Variants in MAMLD1 observed in about 807,000 individuals in gnomAD.
MAMLD1 encodes mastermind-like domain-containing protein 1.
In MAMLD1, 14 loss-of-function variants were observed where a neutral mutation model predicts 45.0. The ratio of observed to expected loss-of-function variants is 0.31; its 90% CI spans 0.21 to 0.49. The LOEUF (loss-of-function observed/expected upper bound fraction) is 0.49, where lower values mean the gene tolerates loss of function less well. Among genes scored for constraint, MAMLD1 ranks in the 20% least tolerant of loss-of-function variants. The pLI, the probability that MAMLD1 is intolerant of heterozygous loss-of-function variation, is 0.99. For missense variants in MAMLD1, 543 were observed against 603.6 expected, an observed-to-expected ratio of 0.90 and a Z score of 1.05; for synonymous variants, 254 against 247.8, an observed-to-expected ratio of 1.02 and a Z score of -0.24.
chrX:150,454,497 A>G (rs985240992), intron 2 of MAMLD1, among the ~76,000 whole-genome samples: 25 of 112,099 alleles, frequency 2.2e-4, no homozygotes, highest in African/African-American at 7.8e-4. Flanking sequence ...ACAAACAAAA[A>G]TCTCCTGTGT....
rs1166442127 is a variant in MAMLD1, at chrX:150,462,707, GT to G, written c.97-64del. The G allele has an allele frequency of 5.1e-5, 38 of 745,306 alleles. 1 individual carries two copies. In the East Asian group the frequency reaches 1.2e-3, roughly 24 times the overall value. 61.4% of individuals were successfully genotyped at this position (745,306 alleles called of 1,213,427 possible). On this transcript the variant is annotated intron_variant, in intron 2 of 7. Coordinates refer to ENST00000370401, the MANE Select transcript of MAMLD1 (RefSeq NM_005491.5). ...CTGATCTGTGCCTCTCACTGAGCTGGTGCAGGTAATACTTTCTTTAAGAGTG... is the reference window on the plus strand; with the variant it reads ...CTGATCTGTGCCTCTCACTGAGCTGGGCAGGTAATACTTTCTTTAAGAGTG...
At chrX:150,506,990 G>T (rs1294626575) in intron 6 of MAMLD1, among the ~76,000 whole-genome samples, 1 of 112,478 alleles carries the variant, frequency 8.9e-6, no homozygotes, top group African/African-American at 3.2e-5. Flanking sequence ...GACAGTGGGG[G>T]CTGGGAGGGG....
intron 5 of MAMLD1, among the ~76,000 whole-genome samples, chrX:150,499,155 A>G (rs2037479396): frequency 8.9e-6 from 1 of 112,131 alleles, no homozygotes; most frequent in Non-Finnish European, 1.9e-5. Context: ...CATCTTTGAC[A>G]CACTCATCAA....
intron 1 of MAMLD1, among the ~76,000 whole-genome samples, chrX:150,390,859 A>G (rs782261721): frequency 8.9e-6 from 1 of 112,378 alleles, no homozygotes; most frequent in Non-Finnish European, 1.9e-5. Context: ...ATTCTTAGCA[A>G]CAACATCTTT....
chrX:150,488,313 C>G (rs2037060702), intron 5 of MAMLD1, among the ~76,000 whole-genome samples: 1 of 112,582 alleles, frequency 8.9e-6, no homozygotes, highest in Non-Finnish European at 1.9e-5. Context: ...GCCTGGAGAG[C>G]TAATCTGGGT....
At chrX:150,511,124 C>G (rs1261143007) in intron 7 of MAMLD1, among the ~76,000 whole-genome samples, 26 of 112,286 alleles carry the variant, frequency 2.3e-4, no homozygotes, top group African/African-American at 8.4e-4. Context: ...TGGGCTTGTG[C>G]TCTGACTGCA....
intron 1 of MAMLD1, among the ~76,000 whole-genome samples, chrX:150,424,701 A>G (rs899693045): frequency 8.9e-6 from 1 of 112,784 alleles, no homozygotes; most frequent in African/African-American, 3.2e-5. Flanking sequence ...GCAAAGAGTG[A>G]TAACAATTTG....
chrX:150,403,693 A>G (rs2033877773), intron 1 of MAMLD1, among the ~76,000 whole-genome samples: 2 of 108,559 alleles, frequency 1.8e-5, no homozygotes, highest in South Asian at 7.9e-4. Flanking sequence ...TAGTCTCAGC[A>G]CTTTGGGAGG....
chrX:150,456,209 C>T (rs1267717242), intron 2 of MAMLD1, among the ~76,000 whole-genome samples: 3 of 110,745 alleles, frequency 2.7e-5, no homozygotes, highest in African/African-American at 9.9e-5. Context: ...ACATCTACCA[C>T]TATACATGCC....
chrX:150,414,847 A>T (rs1278469137), intron 1 of MAMLD1, among the ~76,000 whole-genome samples: 2 of 111,833 alleles, frequency 1.8e-5, no homozygotes, highest in Admixed American at 9.4e-5. Context: ...ACAAACTATG[A>T]CCTGTAGGCA....
At chrX:150,479,647 C>T (rs994362426) in intron 5 of MAMLD1, among the ~76,000 whole-genome samples, 2 of 111,944 alleles carry the variant, frequency 1.8e-5, no homozygotes, top group Non-Finnish European at 3.8e-5. Flanking sequence ...TTTCAAAGAA[C>T]GTAAGAGGAC....
At chrX:150,459,164 G>A (rs1375406780) in intron 2 of MAMLD1, among the ~76,000 whole-genome samples, 1 of 111,444 alleles carries the variant, frequency 9.0e-6, no homozygotes, top group East Asian at 2.8e-4. Context: ...GAGGCTGCGT[G>A]GGTTCAGCAG....
intron 1 of MAMLD1, among the ~76,000 whole-genome samples, chrX:150,398,462 T>G (rs1275845181): frequency 9.0e-6 from 1 of 110,977 alleles, no homozygotes; most frequent in East Asian, 2.8e-4. Flanking sequence ...CGAACATTAG[T>G]TGTGGATATT....
At chrX:150,442,003 G>A (rs1244386020) in intron 1 of MAMLD1, among the ~76,000 whole-genome samples, 1 of 109,562 alleles carries the variant, frequency 9.1e-6, no homozygotes, top group Non-Finnish European at 1.9e-5. Flanking sequence ...TCTTGTTGGT[G>A]GATTGACACT....
At chrX:150,455,416 C>T (rs1296276001) in intron 2 of MAMLD1, among the ~76,000 whole-genome samples, 1 of 112,050 alleles carries the variant, frequency 8.9e-6, no homozygotes, top group African/African-American at 3.3e-5. Context: ...ATAGCAAATG[C>T]TGCTGAGTAA....
At chrX:150,441,887 C>T (rs1370516976) in intron 1 of MAMLD1, among the ~76,000 whole-genome samples, 1 of 110,993 alleles carries the variant, frequency 9.0e-6, no homozygotes, top group Non-Finnish European at 1.9e-5. Context: ...TTGAAGTCCC[C>T]ATCTATAAAG....
intron 5 of MAMLD1, among the ~76,000 whole-genome samples, chrX:150,488,091 C>T (rs2037051710): frequency 8.9e-6 from 1 of 112,742 alleles, no homozygotes; most frequent in South Asian, 3.6e-4. Flanking sequence ...TGGAGAGTCC[C>T]AGTGTCCCTG....
chrX:150,417,629 G>A (rs2034308587), intron 1 of MAMLD1, among the ~76,000 whole-genome samples: 1 of 106,701 alleles, frequency 9.4e-6, no homozygotes, highest in Non-Finnish European at 1.9e-5. Context: ...CCCACCAACA[G>A]TGTAAAAGTG....
intron 5 of MAMLD1, among the ~76,000 whole-genome samples, chrX:150,501,854 A>C (rs782776600): frequency 1.2e-4 from 14 of 112,305 alleles, no homozygotes; most frequent in Non-Finnish European, 2.1e-4. Context: ...AAACACATGC[A>C]CACCTCCACA....
Sources: allele counts gnomAD v4.1 joint callset (sites outside exome capture counted in the v4.1 genomes callset), GRCh38; gene constraint gnomAD v4.1.1; transcripts MANE v1.5; gene names NCBI Gene and HGNC (gene_info 2026-07-23, HGNC 2026-07-21).